Variants in DOCK7 observed in about 807,000 individuals in gnomAD.
DOCK7 encodes the protein dedicator of cytokinesis 7, also known as dedicator of cytokinesis protein 7.
Under a neutral mutation model 271.0 loss-of-function variants are expected in DOCK7, and 138 were observed. The ratio of observed to expected loss-of-function variants is 0.51; its 90% CI spans 0.44 to 0.59. The LOEUF is 0.59. Among genes scored for constraint, DOCK7 ranks in the 20% least tolerant of loss-of-function variants. The pLI, the probability that DOCK7 is intolerant of heterozygous loss-of-function variation, is 0.00. For missense variants in DOCK7, 2,066 were observed against 2,592.4 expected (o/e 0.80, Z 4.41); for synonymous variants, 823 against 876.1 (o/e 0.94, Z 1.07).
intron 28 of DOCK7, among the ~76,000 whole-genome samples, chr1:62,536,719 T>TA (rs1441103737): frequency 2.0e-5 from 3 of 152,216 alleles, no homozygotes; most frequent in Non-Finnish European, 4.4e-5. Flanking sequence ...ATTCAGGAAT[T>TA]AAATATATTG....
intron 12 of DOCK7, among the ~76,000 whole-genome samples, chr1:62,623,019 C>G (rs751630613): frequency 3.3e-5 from 5 of 152,158 alleles, no homozygotes; most frequent in Non-Finnish European, 5.9e-5. Flanking sequence ...AGCGACCCCC[C>G]AGCCTTGGCC....
intron 18 of DOCK7, among the ~76,000 whole-genome samples, chr1:62,576,321 G>C (rs1646939751): frequency 6.6e-6 from 1 of 152,204 alleles, no homozygotes; most frequent in Non-Finnish European, 1.5e-5. Context: ...GGTGATATTT[G>C]AGTAGAGGTC....
chr1:62,603,807 T>C (rs1415530621), intron 14 of DOCK7, among the ~76,000 whole-genome samples: 1 of 151,856 alleles, frequency 6.6e-6, no homozygotes, highest in Non-Finnish European at 1.5e-5. Context: ...CTATCTTCAA[T>C]AAAATTGTTT....
chr1:62,504,830 T>G lies in DOCK7; in HGVS notation c.4612-48A>C, dbSNP rs1400524558. 3.8e-6 allele frequency: 6 copies of G among 1,592,596 alleles called. No individual in the cohort carries two copies. The South Asian group carries it at 6.8e-5, about 18-fold the overall frequency. ...ACCACTGAATTTTTACAGTAAAAGT[T>G]TCTGAGATATGTTAATATAACCTGA... On this transcript the variant is annotated intron_variant, in intron 36 of 49. Coordinates refer to ENST00000635253, the MANE Select transcript of DOCK7 (RefSeq NM_001367561.1).
chr1:62,617,213 TG>T (rs1652552750), intron 14 of DOCK7, among the ~76,000 whole-genome samples: 1 of 151,762 alleles, frequency 6.6e-6, no homozygotes, highest in African/African-American at 2.4e-5. Context: ...AGGAAATAAT[TG>T]ATTGTTGATG....
chr1:62,671,804 A>C (rs1001023855), intron 1 of DOCK7, among the ~76,000 whole-genome samples: 1 of 152,088 alleles, frequency 6.6e-6, no homozygotes, highest in African/African-American at 2.4e-5. Flanking sequence ...TTTAAAAACA[A>C]TTTTTTTAAC....
chr1:62,633,310 T>C (rs1654856689), intron 10 of DOCK7, among the ~76,000 whole-genome samples, 188 bp downstream of exon 10: 1 of 151,912 alleles, frequency 6.6e-6, no homozygotes, highest in Non-Finnish European at 1.5e-5. Flanking sequence ...ACAAATTAAA[T>C]AAAGAAGAAA....
In DOCK7 at chr1:62,473,573, G is replaced by GT. The variant is rs545898246; in HGVS notation, c.6212+408dup. On this transcript the variant is annotated intron_variant, in intron 48 of 49. Transcript: ENST00000635253. ...ACTTATTATTGTCAACCGCTTTTCTGTTTTTTTGTTTTCTCTCTCTCTCTC... is the reference window on the plus strand; with the variant it reads ...ACTTATTATTGTCAACCGCTTTTCTGTTTTTTTTGTTTTCTCTCTCTCTCTC... Among the ~76,000 whole-genome samples the GT allele has an allele frequency of 9.4e-4, 143 of 151,970 alleles. 1 individual carries two copies. The highest frequency in any genetic ancestry group is 2.9e-3 in the African/African-American group (121 of 41,444).
At chr1:62,457,788 C>A in intron 48 of DOCK7, 83 bp from the exon 49 acceptor site, 1 of 1,246,142 alleles carries the variant, frequency 8.0e-7, no homozygotes, top group Non-Finnish European at 1.1e-6. Context: ...AATACATATA[C>A]ATATATATGT....
intron 31 of DOCK7, among the ~76,000 whole-genome samples, chr1:62,518,527 T>C (rs1241986540): frequency 1.6e-4 from 24 of 148,962 alleles, no homozygotes; most frequent in Non-Finnish European, 2.7e-4. Context: ...TGAGCCGAGA[T>C]TGCGCCACTG....
intron 42 of DOCK7, 77 bp downstream of exon 42, chr1:62,488,857 A>T (rs534334914): frequency 2.5e-5 from 39 of 1,563,420 alleles, no homozygotes; most frequent in Non-Finnish European, 3.4e-5. Context: ...ATCTAGTTTG[A>T]CATCAGTGCA....
At chr1:62,639,859 C>A (rs1261994723) in intron 7 of DOCK7, among the ~76,000 whole-genome samples, 1 of 149,780 alleles carries the variant, frequency 6.7e-6, no homozygotes, top group Non-Finnish European at 1.5e-5. Context: ...TTTAAGTAGA[C>A]AAGAATTTAA....
intron 2 of DOCK7, among the ~76,000 whole-genome samples, chr1:62,659,376 G>A (rs1457284720): frequency 6.6e-6 from 1 of 151,908 alleles, no homozygotes; most frequent in Non-Finnish European, 1.5e-5. Flanking sequence ...AATACCTTGT[G>A]CAGCCACTAA....
At chr1:62,647,624 T>G in intron 7 of DOCK7, 67 bp downstream of exon 7, 1 of 1,085,350 alleles carries the variant, frequency 9.2e-7, no homozygotes, top group Non-Finnish European at 1.4e-6. Flanking sequence ...ACTCAGATTT[T>G]GTTACATCAC....
At chr1:62,645,183 A>G (rs368967028) in intron 7 of DOCK7, among the ~76,000 whole-genome samples, 4 of 152,322 alleles carry the variant, frequency 2.6e-5, no homozygotes, top group South Asian at 4.1e-4. Flanking sequence ...TATACTAACC[A>G]TAATTCCTAT....
At position 62,539,585 on chromosome 1, in the gene DOCK7, C is replaced by A. The variant is rs1553165442; in HGVS notation, c.3260G>T (p.Arg1087Ile). 8 of 1,613,600 alleles carry A rather than the reference C, an allele frequency of 5.0e-6. No homozygotes were observed. Among genetic ancestry groups the A allele is most frequent in the Non-Finnish European group, 6.8e-6 (8 of 1,179,826 alleles). ...FLNDLLSVMD[R>I]GFVFSLIKSC... ...CTTTATAAGGCTAAAAACAAATCCT[C>A]TGTCCATAACAGACAACAGATCATT... Residue 1087 changes from arginine to isoleucine, a missense_variant, in exon 27 of 50, where the codon AGA becomes ATA. Physicochemically the swap from Arg to Ile is moderately conservative, Grantham distance 97. This residue lies in a region of DOCK7 where 1,414 missense variants were observed against 1,670.4 expected (regional missense o/e 0.85). Coordinates refer to ENST00000635253, the MANE Select transcript of DOCK7 (RefSeq NM_001367561.1).
chr1:62,525,162 T>C (rs1365287495), intron 31 of DOCK7, among the ~76,000 whole-genome samples: 1 of 151,020 alleles, frequency 6.6e-6, no homozygotes, highest in Non-Finnish European at 1.5e-5. Context: ...CCCACCACCA[T>C]GTCTGGCTAA....
chr1:62,634,450 A>G (rs541031890), intron 9 of DOCK7: 1 of 162,938 alleles, frequency 6.1e-6, no homozygotes, highest in East Asian at 1.7e-4. Context: ...ACCCTGAATA[A>G]TCAAAACAAA....
Position 62,663,249 on chromosome 1 carries a change from A to G in DOCK7, c.39-119T>C, listed in dbSNP as rs551344123. On this transcript the variant is annotated intron_variant, in intron 1 of 49. Transcript: ENST00000635253. ...ATTTAAAGAAAAACAAAATCTCAGCATAACAATAAGGCTAGAAATTCGTAA... is the reference window on the plus strand; with the variant it reads ...ATTTAAAGAAAAACAAAATCTCAGCGTAACAATAAGGCTAGAAATTCGTAA... 14 of 768,032 alleles carry G rather than the reference A, an allele frequency of 1.8e-5. No homozygotes were observed. The African/African-American group carries it at 1.9e-4, about 11-fold the overall frequency. 47.6% of individuals were successfully genotyped at this position (768,032 alleles called of 1,614,324 possible). A position where few individuals can be genotyped will look rare whatever the true frequency, so the allele number is the denominator to read the frequency against.
Sources: gnomAD v4.1 joint callset for allele counts (sites outside exome capture counted in the v4.1 genomes callset) on GRCh38, gnomAD v4.1.1 for gene constraint, gnomAD v4.1.1 regional missense constraint, MANE v1.5 for transcripts, NCBI Gene and HGNC (gene_info 2026-07-23, HGNC 2026-07-21) for gene names.